Variants in CPAMD8 observed in about 807,000 individuals in gnomAD.
CPAMD8 encodes the protein C3 and PZP-like alpha-2-macroglobulin domain-containing protein 8.
Under a neutral mutation model 224.7 loss-of-function variants are expected in CPAMD8, and 146 were observed. The observed-to-expected ratio is 0.65, with a 90% CI of 0.57 to 0.75. CPAMD8 has a LOEUF of 0.75. Among genes scored for constraint, CPAMD8 ranks in the 30% least tolerant of loss-of-function variants. The pLI is 0.00. For missense variants in CPAMD8, 2,301 were observed against 2,537.5 expected (o/e 0.91, Z 2.00); for synonymous variants, 966 against 1,044.6 (o/e 0.92, Z 1.45).
At chr19:16,918,119 C>T (rs972581550) in intron 27 of CPAMD8, among the ~76,000 whole-genome samples, 22 of 152,254 alleles carry the variant, frequency 1.4e-4, no homozygotes, top group African/African-American at 4.3e-4. Flanking sequence ...CTCAGCCTCC[C>T]GAGTAGCTGG....
chr19:16,902,448 CAG>C (rs1187970707), intron 35 of CPAMD8, among the ~76,000 whole-genome samples, 199 bp downstream of exon 35: 1 of 152,054 alleles, frequency 6.6e-6, no homozygotes, highest in East Asian at 1.9e-4. Context: ...ACCCAGGAGG[CAG>C]AGGTTGCAGT....
rs921320418 is a variant in CPAMD8, at chr19:16,968,734, G to T, written c.2213+2157C>A. Among the ~76,000 whole-genome samples, 3 of 152,180 alleles carry T rather than the reference G, an allele frequency of 2.0e-5. No individual in the cohort carries two copies. In the South Asian group the frequency reaches 6.2e-4, roughly 32 times the overall value. On this transcript the variant is annotated intron_variant, in intron 18 of 41. Coordinates refer to ENST00000443236, the MANE Select transcript of CPAMD8 (RefSeq NM_015692.5). ...GCTCACTGCAGCCTCAACCTTCCCAGGCTCAAGCAATCCTCCAGTCTCAGC... is the reference window on the plus strand; with the variant it reads ...GCTCACTGCAGCCTCAACCTTCCCATGCTCAAGCAATCCTCCAGTCTCAGC...
chr19:17,002,425 A>G (rs1277334034), intron 8 of CPAMD8, 75 bp from the exon 9 acceptor site: 2 of 922,326 alleles, frequency 2.2e-6, no homozygotes, highest in Non-Finnish European at 3.5e-6. Context: ...CACCGGTGCA[A>G]GGTGTCTGAG....
intron 1 of CPAMD8, among the ~76,000 whole-genome samples, chr19:17,024,357 G>T (rs2057027171): frequency 6.6e-6 from 1 of 152,098 alleles, no homozygotes; most frequent in African/African-American, 2.4e-5. Flanking sequence ...CAAGACCCTG[G>T]GTATGTGCTG....
chr19:16,958,094 C>G (rs191632660), intron 18 of CPAMD8, among the ~76,000 whole-genome samples, 179 bp from the exon 19 acceptor site: 28 of 147,114 alleles, frequency 1.9e-4, no homozygotes, highest in Non-Finnish European at 2.6e-4. Flanking sequence ...GCAGGGTTAA[C>G]AGTCTACTTG....
In CPAMD8 at chr19:16,903,956, C is replaced by T. The variant is rs75751772; in HGVS notation, c.4252-99G>A. ...AAGCCTAGCCTAAAACAGGCACCAA[C>T]GGGGCTGGAATAGAGACTGGACCCA... On this transcript the variant is annotated intron_variant, in intron 32 of 41. Transcript: ENST00000443236. 5.7e-3 allele frequency: 7,164 copies of T among 1,248,610 alleles called. 139 individuals carry two copies. Among genetic ancestry groups the T allele is most frequent in the African/African-American group, 0.044 (3,021 of 67,896 alleles). 77.3% of individuals were successfully genotyped at this position (1,248,610 alleles called of 1,614,324 possible).
At chr19:16,949,052 G>C (rs963158721) in intron 20 of CPAMD8, among the ~76,000 whole-genome samples, 1 of 142,736 alleles carries the variant, frequency 7.0e-6, no homozygotes, top group South Asian at 2.5e-4. Flanking sequence ...AAGGACGGGA[G>C]GGGGGGAGGG....
intron 24 of CPAMD8, 133 bp from the exon 25 acceptor site, chr19:16,928,367 G>A: frequency 1.5e-6 from 1 of 655,332 alleles, no homozygotes; most frequent in Non-Finnish European, 2.6e-6. Context: ...GGGTCTTCGG[G>A]GAGTCAGAGG....
At chr19:17,026,163 C>T (rs1402530614) in intron 1 of CPAMD8, among the ~76,000 whole-genome samples, 1 of 152,196 alleles carries the variant, frequency 6.6e-6, no homozygotes, top group African/African-American at 2.4e-5. Context: ...CAAACACTTC[C>T]TCCTCCCTCA....
chr19:16,899,509 A>T lies in CPAMD8; in HGVS notation c.4814T>A (p.Val1605Glu). The change falls in exon 37 of 42, where the codon GTG becomes GAG. Residue 1605 changes from valine to glutamate, a missense_variant. Around this residue, in one of 4 missense-constraint regions of CPAMD8, gnomAD observed 1,709 missense variants for 1,753.2 expected, o/e 0.97. Transcript: ENST00000443236. This position sits in a 1 kb window ranked among gnomAD's most constrained non-coding sequence, Gnocchi z 5.4. The stretch of plus-strand genomic sequence containing the variant: ...GTAGAAGAGCACTCGGCGTCCAGCC[A>T]CTTCATACCTCTTCATCCCCATGTG... ...DKHMGMKRYE[V>E]AGRRVLFYFD... The T allele has an allele frequency of 8.8e-6, 14 of 1,584,098 alleles. No individual in the cohort carries two copies. The highest frequency in any genetic ancestry group is 1.2e-5 in the Non-Finnish European group (14 of 1,153,020).
intron 18 of CPAMD8, among the ~76,000 whole-genome samples, chr19:16,961,024 TA>T (rs1488245855): frequency 3.3e-5 from 5 of 152,080 alleles, no homozygotes; most frequent in African/African-American, 1.2e-4. Flanking sequence ...TTTACATGGT[TA>T]AAAAAATATG....
chr19:16,918,894 T>C (rs115999577), intron 27 of CPAMD8, among the ~76,000 whole-genome samples: 145 of 152,078 alleles, frequency 9.5e-4, no homozygotes, highest in African/African-American at 3.3e-3. Context: ...CCCTTGAGCA[T>C]GAGGTTGGCA....
At chr19:16,939,051 G>A (rs1319910722) in intron 22 of CPAMD8, among the ~76,000 whole-genome samples, 2 of 152,178 alleles carry the variant, frequency 1.3e-5, no homozygotes, top group Non-Finnish European at 2.9e-5. Context: ...TGACCAACAC[G>A]GCCCCTGTGG....
At chr19:16,917,086 A>C (rs1054408725) in intron 27 of CPAMD8, among the ~76,000 whole-genome samples, 5 of 152,164 alleles carry the variant, frequency 3.3e-5, no homozygotes, top group African/African-American at 9.7e-5. Context: ...AATGTTATCA[A>C]GTGATAAAAA....
At chr19:16,917,318 T>C (rs2052999116) in intron 27 of CPAMD8, among the ~76,000 whole-genome samples, 1 of 152,176 alleles carries the variant, frequency 6.6e-6, no homozygotes, top group Admixed American at 6.6e-5. Flanking sequence ...TTGATGCCGG[T>C]CCATCAATTG....
rs2056584956 is a variant in CPAMD8 at position 17,009,339 on chromosome 19, T to A, written c.487-19A>T. The A allele has an allele frequency of 1.2e-6, 2 of 1,614,016 alleles. No homozygotes were observed. Among genetic ancestry groups the A allele is most frequent in the Non-Finnish European group, 1.7e-6 (2 of 1,179,922 alleles). On this transcript the variant is annotated intron_variant, in intron 5 of 41. Transcript: ENST00000443236. ...CTTCCAGCTGTAATGAAGACACAGA[T>A]GCAGTGAGCAAATCTTCCAGCAAAC...
chr19:17,011,740 C>T lies in CPAMD8; in HGVS notation c.285G>A (p.Arg95=), dbSNP rs987290210. The T allele has an allele frequency of 8.7e-6, 14 of 1,613,710 alleles. No homozygotes were observed. The South Asian group carries it at 1.3e-4, about 15-fold the overall frequency. Residue 95 remains arginine, a synonymous_variant, in exon 4 of 42, where the codon CGG becomes CGA. Transcript: ENST00000443236. ...TIKLKVPTGL[R]GQALLKVWGR... ...CCCACACTTTCAGAAGCGCTTGGCC[C>T]CGGAGGCCCGTGGGCACCTGCAGGC...
chr19:16,929,171 C>T lies in CPAMD8; in HGVS notation c.2915G>A (p.Arg972His), dbSNP rs547742402. The change falls in exon 24 of 42, where the codon CGC (arginine) becomes CAC (histidine). Residue 972 changes from arginine to histidine, a missense_variant. Arg to His is a conservative substitution (Grantham distance 29). This residue lies in a region of CPAMD8 where 1,709 missense variants were observed against 1,753.2 expected (regional missense o/e 0.97). Coordinates refer to ENST00000443236, the MANE Select transcript of CPAMD8 (RefSeq NM_015692.5). Reference sequence around the variant, plus strand: ...GTGAGCTCGCACAGCCACATCAAAGCGGGTGAGGCGCAGTGGCCGCTGCAC... The same window carrying T: ...GTGAGCTCGCACAGCCACATCAAAGTGGGTGAGGCGCAGTGGCCGCTGCAC... Reference protein sequence around the residue: ...QYVQRPLRLTRFDVAVRAHND... With the variant: ...QYVQRPLRLTHFDVAVRAHND... 9.9e-6 allele frequency: 16 copies of T among 1,614,016 alleles called. No individual in the cohort carries two copies. The East Asian group carries it at 1.1e-4, about 11-fold the overall frequency.
At chr19:17,003,764 G>A (rs570774466) in intron 8 of CPAMD8, among the ~76,000 whole-genome samples, 4 of 148,428 alleles carry the variant, frequency 2.7e-5, no homozygotes, top group South Asian at 2.2e-4. Flanking sequence ...GGTGATGGGT[G>A]TGAAACCCTG....
Sources: gnomAD v4.1 joint callset for allele counts (sites outside exome capture counted in the v4.1 genomes callset) on GRCh38, gnomAD v4.1.1 for gene constraint, gnomAD v4.1.1 regional missense constraint, Gnocchi (gnomAD v3.1) non-coding constraint, MANE v1.5 for transcripts, NCBI Gene and HGNC (gene_info 2026-07-23, HGNC 2026-07-21) for gene names.